Variants in PPP6R3 observed in about 807,000 individuals in gnomAD.
PPP6R3 encodes protein phosphatase 6 regulatory subunit 3, also known as serine/threonine-protein phosphatase 6 regulatory subunit 3.
PPP6R3 carries 38 observed loss-of-function variants against 110.7 expected under a neutral mutation model. That is an observed-to-expected ratio of 0.34 (90% CI 0.26 to 0.45). The LOEUF is 0.45. Among genes scored for constraint, PPP6R3 ranks in the 20% least tolerant of loss-of-function variants. The pLI is 1.00. For synonymous variants in PPP6R3, 369 were observed against 373.5 expected (o/e 0.99, Z 0.14); for missense variants, 870 against 1,062.4 (o/e 0.82, Z 2.52).
intron 1 of PPP6R3, among the ~76,000 whole-genome samples, chr11:68,479,489 G>A (rs985397286): frequency 6.6e-6 from 1 of 152,132 alleles, no homozygotes; most frequent in African/African-American, 2.4e-5. Context: ...AGGTTGTTTT[G>A]CCTAATACCC....
chr11:68,501,355 TCTCA>T (rs1302577863), intron 1 of PPP6R3, among the ~76,000 whole-genome samples: 1 of 152,226 alleles, frequency 6.6e-6, no homozygotes, highest in Non-Finnish European at 1.5e-5. Flanking sequence ...TGAGACAGGG[TCTCA>T]CTCTGTCATG....
intron 1 of PPP6R3, among the ~76,000 whole-genome samples, chr11:68,480,389 C>CTG (rs1026549874): frequency 1.2e-4 from 19 of 152,238 alleles, no homozygotes; most frequent in African/African-American, 1.9e-4. Context: ...TTGAGCTCTT[C>CTG]TGTACCAGAC....
chr11:68,540,440 G>A (rs1423607237), intron 3 of PPP6R3, among the ~76,000 whole-genome samples: 1 of 152,100 alleles, frequency 6.6e-6, no homozygotes, highest in Admixed American at 6.6e-5. Flanking sequence ...TACTTAACAG[G>A]GTAATAGAAT....
At chr11:68,583,617 C>T (rs1190353946) in intron 15 of PPP6R3, among the ~76,000 whole-genome samples, 1 of 152,198 alleles carries the variant, frequency 6.6e-6, no homozygotes, top group East Asian at 1.9e-4. Context: ...TCTCTGCCTG[C>T]CCCTGAATTT....
At chr11:68,608,438 G>T (rs969089933) in intron 22 of PPP6R3, among the ~76,000 whole-genome samples, 1 of 152,170 alleles carries the variant, frequency 6.6e-6, no homozygotes, top group Admixed American at 6.5e-5. Context: ...CAGCCTGCGG[G>T]GCCCTGGTGG....
chr11:68,608,536 C>G (rs1195116399), intron 22 of PPP6R3, among the ~76,000 whole-genome samples: 1 of 152,200 alleles, frequency 6.6e-6, no homozygotes. Context: ...TACAACTCTT[C>G]ACTCCTGGGT....
At chr11:68,470,383 T>C (rs543067164) in intron 1 of PPP6R3, among the ~76,000 whole-genome samples, 5 of 151,726 alleles carry the variant, frequency 3.3e-5, no homozygotes, top group African/African-American at 9.7e-5. Context: ...GAAGGAGGCA[T>C]GTCTGCTGTG....
intron 3 of PPP6R3, among the ~76,000 whole-genome samples, chr11:68,543,498 T>C (rs2099329919): frequency 6.6e-6 from 1 of 152,092 alleles, no homozygotes; most frequent in Non-Finnish European, 1.5e-5. Context: ...CCAGAGCCTG[T>C]CAAGTGCCGT....
chr11:68,529,419 A>G (rs966142910), intron 2 of PPP6R3, among the ~76,000 whole-genome samples: 2 of 152,278 alleles, frequency 1.3e-5, no homozygotes, highest in African/African-American at 4.8e-5. Context: ...GAGTTTCACC[A>G]TCTTGGCCAG....
intron 2 of PPP6R3, among the ~76,000 whole-genome samples, chr11:68,519,974 C>T (rs1030807876): frequency 6.6e-6 from 1 of 152,218 alleles, no homozygotes; most frequent in African/African-American, 2.4e-5. Context: ...CAGGCCACTG[C>T]TTCCAGGGCA....
chr11:68,473,531 A>T (rs1164538517), intron 1 of PPP6R3, among the ~76,000 whole-genome samples: 1 of 152,234 alleles, frequency 6.6e-6, no homozygotes, highest in African/African-American at 2.4e-5. Context: ...GAAGTGGGTT[A>T]TGGGAACCCC....
chr11:68,477,741 AAT>A (rs1179617745), intron 1 of PPP6R3, among the ~76,000 whole-genome samples: 1,876 of 57,796 alleles, frequency 0.032, 40 homozygotes, highest in African/African-American at 0.053. Context: ...AAAAAAAAAA[AAT>A]ATATATATAT....
chr11:68,483,538 A>C (rs1302981828), intron 1 of PPP6R3, among the ~76,000 whole-genome samples: 2 of 152,188 alleles, frequency 1.3e-5, no homozygotes, highest in Non-Finnish European at 2.9e-5. Flanking sequence ...ACTGGAGTGC[A>C]GTGGTGTGAT....
In PPP6R3 at chr11:68,600,369, C is replaced by T; in HGVS notation, c.2067C>T (p.Val689=). Residue 689 remains valine, a synonymous_variant, in exon 20 of 24, where the codon GTC becomes GTT. Transcript: ENST00000393800. ...EPPNWSANFD[V]PMETTHGAPL... is the part of the protein sequence containing the mutation. The stretch of plus-strand genomic sequence containing the variant: ...CCAACTGGTCAGCTAACTTTGATGT[C>T]CCAATGGAAACAACCCACGGTGCTC... 5 of 1,613,976 alleles carry T rather than the reference C, an allele frequency of 3.1e-6. No homozygotes were observed. The highest frequency in any genetic ancestry group is 4.2e-6 in the Non-Finnish European group (5 of 1,179,910).
chr11:68,573,222 C>T (rs145636911), intron 12 of PPP6R3, among the ~76,000 whole-genome samples: 1,527 of 145,152 alleles, frequency 0.011, 11 homozygotes, highest in African/African-American at 0.013. Context: ...ACAATCCTGG[C>T]TCACTGCAGT....
chr11:68,518,583 A>G (rs1338424960), intron 1 of PPP6R3, among the ~76,000 whole-genome samples: 1 of 152,228 alleles, frequency 6.6e-6, no homozygotes, highest in Non-Finnish European at 1.5e-5. Flanking sequence ...AATTTGGATG[A>G]TTATACTTTT....
At chr11:68,549,704 A>G (rs755817508) in intron 5 of PPP6R3, among the ~76,000 whole-genome samples, 36 of 152,120 alleles carry the variant, frequency 2.4e-4, no homozygotes, top group Admixed American at 4.6e-4. Context: ...GTTTACTGGA[A>G]CCAGTTTATT....
intron 1 of PPP6R3, among the ~76,000 whole-genome samples, chr11:68,461,886 T>C (rs1268637397): frequency 6.6e-6 from 1 of 152,154 alleles, no homozygotes; most frequent in African/African-American, 2.4e-5. Flanking sequence ...GGACAGGGAC[T>C]CCAGGTTTCC....
chr11:68,564,337 A>G lies in PPP6R3; in HGVS notation c.880A>G (p.Met294Val). 2 of 1,613,112 alleles carry G rather than the reference A, an allele frequency of 1.2e-6. No homozygotes were observed. The highest frequency in any genetic ancestry group is 1.7e-6 in the Non-Finnish European group (2 of 1,179,000). The stretch of plus-strand genomic sequence containing the variant: ...CCATATAGAGATCTGCCCACCAGGC[A>G]TGAGCCATTCAGCTTGTTCAGTAAA... ...EGHIEICPPG[M>V]SHSACSVNKS... The change falls in exon 9 of 24, where the codon ATG becomes GTG. Residue 294 changes from methionine to valine, a missense_variant. By Grantham distance (21) the Met-to-Val change is conservative. Transcript: ENST00000393800.
Sources: gnomAD v4.1 joint callset for allele counts (sites outside exome capture counted in the v4.1 genomes callset) on GRCh38, gnomAD v4.1.1 for gene constraint, MANE v1.5 for transcripts, NCBI Gene and HGNC (gene_info 2026-07-23, HGNC 2026-07-21) for gene names.